Variants in USP7 observed in about 807,000 individuals in gnomAD.
USP7 encodes the protein ubiquitin specific peptidase 7.
USP7 carries 9 observed loss-of-function variants against 162.9 expected under a neutral mutation model. The observed-to-expected ratio is 0.06, with a 90% CI of 0.03 to 0.10. The LOEUF (loss-of-function observed/expected upper bound fraction) is 0.10. Ranked by LOEUF, USP7 falls within the 10% of genes least tolerant of loss-of-function variation. USP7 has a pLI of 1.00. For missense variants in USP7, 715 were observed against 1,373.7 expected (o/e 0.52, Z 7.58); for synonymous variants, 562 against 475.9 (o/e 1.18, Z -2.35).
chr16:8,948,650 G>A (rs1899403104), intron 1 of USP7, among the ~76,000 whole-genome samples: 1 of 152,182 alleles, frequency 6.6e-6, no homozygotes, highest in Non-Finnish European at 1.5e-5. Flanking sequence ...ATATTATTCT[G>A]CGAGAAAAGG....
intron 26 of USP7, 39 bp downstream of exon 26, chr16:8,896,960 C>A: frequency 6.5e-7 from 1 of 1,528,082 alleles, no homozygotes; most frequent in Non-Finnish European, 9.1e-7. Context: ...ACTGCCACCC[C>A]TAACTGAACG....
intron 1 of USP7, chr16:8,962,382 G>A (rs1900049060): frequency 3.6e-6 from 1 of 276,596 alleles, no homozygotes; most frequent in Non-Finnish European, 8.0e-6. Flanking sequence ...TCTCTTTACA[G>A]CGTCTTCACA....
chr16:8,916,985 A>AAAG (rs140589701), intron 7 of USP7, 41 bp downstream of exon 7: 206 of 1,514,282 alleles, frequency 1.4e-4, no homozygotes, highest in Non-Finnish European at 1.7e-4. Flanking sequence ...AAAAAAAAAA[A>AAAG]AGAGGAAGCA....
intron 10 of USP7, among the ~76,000 whole-genome samples, chr16:8,912,775 T>C (rs201039182): frequency 1.3e-5 from 2 of 149,062 alleles, no homozygotes; most frequent in East Asian, 2.0e-4. Context: ...TTATAATTAA[T>C]TGATAAATAC....
rs146929431 is a variant in USP7 at position 8,947,294 on chromosome 16, T to G, written c.79+15913A>C. 1.8e-3 allele frequency among the ~76,000 whole-genome samples: 277 copies of G among 152,248 alleles called. 2 individuals are homozygous for G. The highest frequency in any genetic ancestry group is 6.5e-3 in the African/African-American group (269 of 41,532). ...TTATACAACATTACTTGGAAAATAA[T>G]TATTTTTTATACAACATTACCATGT... On this transcript the variant is annotated intron_variant, in intron 1 of 30. Coordinates refer to ENST00000344836, the MANE Select transcript of USP7 (RefSeq NM_003470.3).
chr16:8,944,289 TGA>T (rs1228459169), intron 1 of USP7, among the ~76,000 whole-genome samples: 1 of 150,568 alleles, frequency 6.6e-6, no homozygotes, highest in East Asian at 2.0e-4. Context: ...CCTTGGCAGC[TGA>T]GAGAGGGGGT....
At chr16:8,938,606 G>A (rs770565789) in intron 1 of USP7, among the ~76,000 whole-genome samples, 2 of 151,976 alleles carry the variant, frequency 1.3e-5, no homozygotes, top group Admixed American at 6.5e-5. Context: ...CAGCTACTCC[G>A]GAGGCTGAGG....
chr16:8,911,881 A>G (rs1405606462), intron 10 of USP7, among the ~76,000 whole-genome samples: 1 of 152,240 alleles, frequency 6.6e-6, no homozygotes, highest in Non-Finnish European at 1.5e-5. Flanking sequence ...CAACCTTCAG[A>G]GCTCACGACA....
rs752435427 is a variant in USP7, at chr16:8,908,420, A to G, written c.1192T>C (p.Leu398=). The stretch of plus-strand genomic sequence containing the variant: ...AGTTGTAGATGTAACACTGGTGGCA[A>G]TGTTAGGAATTTCACACCTTTCTCT... ...EAEKGVKFLT[L]PPVLHLQLMR... The change falls in exon 12 of 31, where the codon TTG becomes CTG. Residue 398 remains leucine (L), a synonymous_variant. Transcript: ENST00000344836. 6.2e-7 allele frequency: 1 copy of G among 1,612,706 alleles called. No homozygotes were observed. The highest frequency in any genetic ancestry group is 1.1e-5 in the South Asian group (1 of 90,636).
chr16:8,935,948 A>G (rs1372095311), intron 1 of USP7: 1 of 152,028 alleles, frequency 6.6e-6, no homozygotes, highest in African/African-American at 2.4e-5. Flanking sequence ...CGCGAATCTA[A>G]CCCCTGAGAT....
In USP7 at chr16:8,920,578, TTGCTAA is replaced by T. The variant is rs528531231; in HGVS notation, c.523-137_523-132del. ...TTTTTTTAAATACATCCCAACTTTT[TTGCTAA>T]TTTTAGACTGTTTCAATTTTCTTTT... On this transcript the variant is annotated intron_variant, in intron 4 of 30. Coordinates refer to ENST00000344836, the MANE Select transcript of USP7 (RefSeq NM_003470.3). 168 of 716,468 alleles carry T rather than the reference TTGCTAA, an allele frequency of 2.3e-4. 3 individuals carry two copies. The South Asian group carries it at 3.4e-3, about 15-fold the overall frequency. 44.4% of individuals were successfully genotyped at this position (716,468 alleles called of 1,614,324 possible). A position where few individuals can be genotyped will look rare whatever the true frequency, so the allele number is the denominator to read the frequency against.
chr16:8,903,631 C>T (rs2061812778), intron 15 of USP7, among the ~76,000 whole-genome samples: 1 of 152,110 alleles, frequency 6.6e-6, no homozygotes, highest in Non-Finnish European at 1.5e-5. Flanking sequence ...CTTTGGGAGG[C>T]CGAGGCGGGC....
chr16:8,957,103 T>TTGG (rs1202207194), intron 1 of USP7, among the ~76,000 whole-genome samples: 3 of 152,198 alleles, frequency 2.0e-5, no homozygotes, highest in Admixed American at 2.0e-4. Flanking sequence ...TGTTTCCAAC[T>TTGG]TCCAAATAAA....
At chr16:8,957,344 T>C (rs1899850457) in intron 1 of USP7, among the ~76,000 whole-genome samples, 1 of 152,244 alleles carries the variant, frequency 6.6e-6, no homozygotes, top group Non-Finnish European at 1.5e-5. Context: ...AACTCTGTCA[T>C]GGTACATGGC....
At chr16:8,914,303 T>G (rs1279490143) in intron 10 of USP7, among the ~76,000 whole-genome samples, 3 of 151,958 alleles carry the variant, frequency 2.0e-5, no homozygotes, top group Non-Finnish European at 2.9e-5. Flanking sequence ...GTGGAGCAAC[T>G]GCAACTCTGC....
intron 25 of USP7, 63 bp from the exon 26 acceptor site, chr16:8,897,162 G>A: frequency 7.8e-7 from 1 of 1,277,590 alleles, no homozygotes; most frequent in Non-Finnish European, 1.1e-6. Flanking sequence ...CTACCACAAA[G>A]GAAGAGAGGA....
At chr16:8,961,599 TATTA>T (rs1900018136) in intron 1 of USP7, among the ~76,000 whole-genome samples, 2 of 151,886 alleles carry the variant, frequency 1.3e-5, no homozygotes, top group Non-Finnish European at 2.9e-5. Flanking sequence ...AATGTCTGTT[TATTA>T]ATTCTCACTA....
Position 8,906,480 on chromosome 16 carries a change from T to G in USP7, c.1374A>C (p.Gly458=), listed in dbSNP as rs1269051136. Residue 458 remains glycine, a synonymous_variant, in exon 13 of 31, where the codon GGA becomes GGC. Transcript: ENST00000344836. ...YILHAVLVHS[G]DNHGGHYVVY... is the part of the protein sequence containing the mutation. ...CCACATAATGTCCACCATGATTATCTCCACTATGAACCAGGACTGCATGAA... is the reference window on the plus strand; with the variant it reads ...CCACATAATGTCCACCATGATTATCGCCACTATGAACCAGGACTGCATGAA... 7 of 1,612,634 alleles carry G rather than the reference T, an allele frequency of 4.3e-6. No homozygotes were observed. In the East Asian group the frequency reaches 1.3e-4, roughly 31 times the overall value.
At chr16:8,917,395 G>A (rs1022047979) in intron 6 of USP7, among the ~76,000 whole-genome samples, 16 of 152,148 alleles carry the variant, frequency 1.1e-4, no homozygotes, top group Admixed American at 1.0e-3. Flanking sequence ...CACCACCCAC[G>A]TGACACGAAG....
Sources: allele counts gnomAD v4.1 joint callset (sites outside exome capture counted in the v4.1 genomes callset), GRCh38; gene constraint gnomAD v4.1.1; transcripts MANE v1.5; gene names NCBI Gene and HGNC (gene_info 2026-07-23, HGNC 2026-07-21).